BTRC: variants seen among roughly 807,000 people sequenced by gnomAD.
BTRC encodes the protein beta-transducin repeat containing E3 ubiquitin protein ligase, also known as F-box/WD repeat-containing protein 1A.
Under a neutral mutation model 85.5 loss-of-function variants are expected in BTRC, and 42 were observed. That is an observed-to-expected ratio of 0.49 (90% CI 0.38 to 0.64). The LOEUF (loss-of-function observed/expected upper bound fraction) is 0.64, where lower values mean the gene tolerates loss of function less well. Ranked by LOEUF, BTRC falls within the 30% of genes least tolerant of loss-of-function variation. The pLI is 0.00. For missense variants in BTRC, 594 were observed against 743.5 expected (o/e 0.80, Z 2.34); for synonymous variants, 255 against 263.3 (o/e 0.97, Z 0.30).
intron 1 of BTRC, among the ~76,000 whole-genome samples, chr10:101,421,437 G>A (rs1944096413): frequency 2.0e-5 from 3 of 151,956 alleles, no homozygotes; most frequent in Admixed American, 6.6e-5. Context: ...ACTCATCAAC[G>A]TGTAATTTAT....
chr10:101,532,131 TTATAAA>T (rs376686163), intron 7 of BTRC, among the ~76,000 whole-genome samples, 158 bp from the exon 8 acceptor site: 80 of 152,338 alleles, frequency 5.3e-4, no homozygotes, highest in African/African-American at 1.8e-3. Context: ...GAAGAATATT[TTATAAA>T]TATAGATAGT....
At chr10:101,426,665 A>G (rs555872344) in intron 1 of BTRC, among the ~76,000 whole-genome samples, 1 of 152,240 alleles carries the variant, frequency 6.6e-6, no homozygotes, top group African/African-American at 2.4e-5. Flanking sequence ...GCAGATTTTT[A>G]TGTAAAACGG....
At chr10:101,385,004 C>A (rs1943028787) in intron 1 of BTRC, among the ~76,000 whole-genome samples, 1 of 152,050 alleles carries the variant, frequency 6.6e-6, no homozygotes, top group Non-Finnish European at 1.5e-5. Flanking sequence ...GGGAGGATTG[C>A]TTGAGGCCAG....
At chr10:101,511,391 G>C (rs2061951175) in intron 4 of BTRC, among the ~76,000 whole-genome samples, 1 of 152,000 alleles carries the variant, frequency 6.6e-6, no homozygotes, top group South Asian at 2.1e-4. Context: ...GTTAAAGTAG[G>C]CTGCACTCTT....
chr10:101,470,334 T>C (rs1471228481), intron 3 of BTRC, among the ~76,000 whole-genome samples: 23 of 145,202 alleles, frequency 1.6e-4, no homozygotes, highest in South Asian at 2.2e-4. Context: ...TCTTTCTTTT[T>C]TTTTTTTTTT....
At chr10:101,387,528 C>CTTTTGTTTTTTTTTTTTTTTTT (rs1943111053) in intron 1 of BTRC, among the ~76,000 whole-genome samples, 1 of 45,122 alleles carries the variant, frequency 2.2e-5, no homozygotes, top group Non-Finnish European at 3.4e-5. Context: ...CTTCATGGGA[C>CTTTTGTTTTTTTTTTTTTTTTT]TTTTTTTTTT....
intron 4 of BTRC, among the ~76,000 whole-genome samples, chr10:101,486,313 G>A (rs534394761): frequency 6.6e-6 from 1 of 152,254 alleles, no homozygotes; most frequent in South Asian, 2.1e-4. Context: ...AAATCTGCCC[G>A]AATGGTGGGG....
chr10:101,439,517 G>A (rs1179694650), intron 2 of BTRC, among the ~76,000 whole-genome samples: 1 of 152,166 alleles, frequency 6.6e-6, no homozygotes, highest in African/African-American at 2.4e-5. Flanking sequence ...CCTTGTATTG[G>A]CTATGAAATA....
At chr10:101,379,896 A>G (rs35465665) in intron 1 of BTRC, among the ~76,000 whole-genome samples, 1 of 152,240 alleles carries the variant, frequency 6.6e-6, no homozygotes, top group Non-Finnish European at 1.5e-5. Flanking sequence ...CTATAAAAAT[A>G]CAATAAAGCC....
intron 2 of BTRC, among the ~76,000 whole-genome samples, chr10:101,450,475 G>T (rs1307689877): frequency 6.6e-6 from 1 of 152,140 alleles, no homozygotes; most frequent in Non-Finnish European, 1.5e-5. Flanking sequence ...CTTCTTATCA[G>T]AGTATCTCAG....
At chr10:101,445,902 A>T (rs545775776) in intron 2 of BTRC, among the ~76,000 whole-genome samples, 2 of 152,200 alleles carry the variant, frequency 1.3e-5, no homozygotes, top group African/African-American at 4.8e-5. Context: ...TAATTAACCC[A>T]GCAATGGGCT....
intron 1 of BTRC, among the ~76,000 whole-genome samples, chr10:101,366,784 ATATATTTTTACATT>A (rs1564729611): frequency 8.2e-5 from 6 of 73,116 alleles, no homozygotes; most frequent in Admixed American, 4.8e-4. Flanking sequence ...ATATATATAT[ATATATTTTTACATT>A]TATATATATA....
chr10:101,470,568 G>A (rs1945496457), intron 3 of BTRC, among the ~76,000 whole-genome samples: 4 of 152,058 alleles, frequency 2.6e-5, no homozygotes, highest in South Asian at 4.2e-4. Flanking sequence ...GACCTCAGGT[G>A]ATCCGACCGC....
intron 2 of BTRC, among the ~76,000 whole-genome samples, chr10:101,445,649 T>C (rs1322517483): frequency 6.6e-6 from 1 of 152,198 alleles, no homozygotes; most frequent in African/African-American, 2.4e-5. Flanking sequence ...GGAGTTATTT[T>C]CTTGCTCTAC....
intron 1 of BTRC, among the ~76,000 whole-genome samples, chr10:101,404,605 T>G (rs936875597): frequency 2.0e-5 from 3 of 152,178 alleles, no homozygotes; most frequent in African/African-American, 7.2e-5. Context: ...TGTTACATTT[T>G]GAAAGCCTTT....
At chr10:101,459,803 C>G (rs1178765084) in intron 2 of BTRC, among the ~76,000 whole-genome samples, 1 of 152,018 alleles carries the variant, frequency 6.6e-6, no homozygotes, top group Non-Finnish European at 1.5e-5. Flanking sequence ...AATAGAGGGT[C>G]AGTAAAAAGA....
rs762012584 is a variant in BTRC at position 101,354,202 on chromosome 10, C to T, written c.22C>T (p.Leu8=). The T allele has an allele frequency of 6.5e-7, 1 of 1,549,200 alleles. No individual in the cohort carries two copies. The highest frequency in any genetic ancestry group is 2.0e-5 in the Admixed American group (1 of 51,000). The change falls in exon 1 of 15, where the codon CTG becomes TTG. Residue 8 remains leucine, a synonymous_variant. Transcript: ENST00000370187. MDPAEAV[L]QEKALKFMCS... ...GATTATGGACCCGGCCGAGGCGGTG[C>T]TGCAAGAGAAGGCACTCAAGTTTAT...
At chr10:101,412,807 T>G (rs1038135570) in intron 1 of BTRC, among the ~76,000 whole-genome samples, 3 of 152,208 alleles carry the variant, frequency 2.0e-5, no homozygotes, top group Non-Finnish European at 4.4e-5. Context: ...TACTTCAAGG[T>G]CTGTTGGCGA....
At chr10:101,518,528 C>T (rs181667655) in intron 4 of BTRC, among the ~76,000 whole-genome samples, 9 of 152,304 alleles carry the variant, frequency 5.9e-5, no homozygotes, top group East Asian at 5.8e-4. Context: ...ACATAATCTC[C>T]GCCTTTTGAT....
Sources: gnomAD v4.1 joint callset for allele counts (sites outside exome capture counted in the v4.1 genomes callset) on GRCh38, gnomAD v4.1.1 for gene constraint, MANE v1.5 for transcripts, NCBI Gene and HGNC (gene_info 2026-07-23, HGNC 2026-07-21) for gene names.